Variants in PPFIA2 observed in about 807,000 individuals in gnomAD.
PPFIA2 encodes the protein PPFI scaffold protein A2, also known as liprin-alpha-2.
In PPFIA2, 46 loss-of-function variants were observed where a neutral mutation model predicts 175.5. The observed-to-expected ratio is 0.26, with a 90% confidence interval of 0.21 to 0.34. The LOEUF (loss-of-function observed/expected upper bound fraction) is 0.34, where lower values mean the gene tolerates loss of function less well. Among genes scored for constraint, PPFIA2 ranks in the 10% least tolerant of loss-of-function variants. The pLI, the probability that PPFIA2 is intolerant of heterozygous loss-of-function variation, is 1.00. For missense variants in PPFIA2, 1,179 were observed against 1,506.1 expected, an observed-to-expected ratio of 0.78 and a Z score of 3.60; for synonymous variants, 568 against 511.4, an observed-to-expected ratio of 1.11 and a Z score of -1.49.
At chr12:81,353,752 T>C (rs1045820885) in intron 16 of PPFIA2, among the ~76,000 whole-genome samples, 2 of 152,176 alleles carry the variant, frequency 1.3e-5, no homozygotes, top group African/African-American at 4.8e-5. Context: ...CCACAAATAT[T>C]ATCACATAAG....
At chr12:81,530,495 T>C (rs1235563099) in intron 4 of PPFIA2, among the ~76,000 whole-genome samples, 1 of 151,784 alleles carries the variant, frequency 6.6e-6, no homozygotes, top group Admixed American at 6.6e-5. Context: ...AGACCTGGAG[T>C]TTGTGAACTG....
chr12:81,355,220 C>T (rs2060703058), intron 16 of PPFIA2, among the ~76,000 whole-genome samples: 1 of 152,066 alleles, frequency 6.6e-6, no homozygotes, highest in Admixed American at 6.6e-5. Flanking sequence ...CTTGGGTGGC[C>T]AGGTGCATTG....
chr12:81,696,444 C>G (rs1327530020), intron 3 of PPFIA2, among the ~76,000 whole-genome samples: 2 of 152,066 alleles, frequency 1.3e-5, no homozygotes, highest in Admixed American at 1.3e-4. Flanking sequence ...TATTGGGACC[C>G]AGTGAAGGGT....
intron 4 of PPFIA2, among the ~76,000 whole-genome samples, chr12:81,528,342 C>T (rs1055389441): frequency 6.6e-6 from 1 of 152,004 alleles, no homozygotes; most frequent in African/African-American, 2.4e-5. Flanking sequence ...GCACAGAATT[C>T]CATGTTCCAG....
chr12:81,726,604 T>C (rs1248704128), intron 3 of PPFIA2, among the ~76,000 whole-genome samples: 5 of 151,454 alleles, frequency 3.3e-5, no homozygotes, highest in East Asian at 2.0e-4. Flanking sequence ...AAGTTTCTAA[T>C]GTAAAACAGT....
intron 4 of PPFIA2, among the ~76,000 whole-genome samples, chr12:81,563,990 T>C (rs1277227639): frequency 1.3e-5 from 2 of 152,162 alleles, no homozygotes; most frequent in African/African-American, 4.8e-5. Context: ...TGTGTCCAAG[T>C]ATATAAAAAC....
At chr12:81,678,585 T>C (rs571587594) in intron 3 of PPFIA2, among the ~76,000 whole-genome samples, 1 of 151,886 alleles carries the variant, frequency 6.6e-6, no homozygotes, top group African/African-American at 2.4e-5. Context: ...TGGAAATGTA[T>C]ATATATTTTT....
At chr12:81,538,744 G>A (rs957642474) in intron 4 of PPFIA2, among the ~76,000 whole-genome samples, 4 of 151,858 alleles carry the variant, frequency 2.6e-5, no homozygotes, top group Non-Finnish European at 5.9e-5. Context: ...AACATGGAGT[G>A]AACTAGGGAA....
intron 3 of PPFIA2, among the ~76,000 whole-genome samples, chr12:81,707,990 G>A (rs942225685): frequency 7.0e-6 from 1 of 142,652 alleles, no homozygotes; most frequent in African/African-American, 2.6e-5. Flanking sequence ...CATGGACGCA[G>A]GAAGGGGAAC....
At chr12:81,656,104 T>C (rs1164476873) in intron 4 of PPFIA2, among the ~76,000 whole-genome samples, 1 of 152,070 alleles carries the variant, frequency 6.6e-6, no homozygotes, top group Non-Finnish European at 1.5e-5. Flanking sequence ...ATACCTTTTC[T>C]ATCACTTTAG....
At chr12:81,522,820 G>A (rs999245475) in intron 4 of PPFIA2, among the ~76,000 whole-genome samples, 3 of 152,126 alleles carry the variant, frequency 2.0e-5, no homozygotes, top group African/African-American at 7.2e-5. Context: ...ACTGTCCTAT[G>A]ATCCTCACTC....
At chr12:81,682,131 A>C (rs1161878063) in intron 3 of PPFIA2, among the ~76,000 whole-genome samples, 1 of 152,036 alleles carries the variant, frequency 6.6e-6, no homozygotes, top group Non-Finnish European at 1.5e-5. Context: ...TCAGTACCTA[A>C]GAATGTAACT....
At chr12:81,347,909 A>T in intron 17 of PPFIA2, 139 bp from the exon 18 acceptor site, 1 of 1,318,776 alleles carries the variant, frequency 7.6e-7, no homozygotes, top group Non-Finnish European at 9.9e-7. Context: ...TAATTTTTTC[A>T]TCTTTTTTTT....
intron 4 of PPFIA2, among the ~76,000 whole-genome samples, chr12:81,630,899 A>AT (rs56990168): frequency 1.6e-3 from 172 of 106,472 alleles, no homozygotes; most frequent in Middle Eastern, 0.011. Flanking sequence ...ATATATATAT[A>AT]TTTTTTTTTT....
intron 16 of PPFIA2, among the ~76,000 whole-genome samples, chr12:81,356,934 T>G (rs1278332980): frequency 1.3e-5 from 2 of 152,146 alleles, no homozygotes; most frequent in African/African-American, 4.8e-5. Flanking sequence ...ATACAAGAAA[T>G]CTTCCATTTG....
intron 8 of PPFIA2, among the ~76,000 whole-genome samples, chr12:81,392,412 G>A (rs1357678769): frequency 6.6e-6 from 1 of 151,820 alleles, no homozygotes; most frequent in East Asian, 1.9e-4. Context: ...TATTGTATAA[G>A]CCCACAGTAA....
intron 4 of PPFIA2, among the ~76,000 whole-genome samples, chr12:81,646,582 T>C (rs2066110642): frequency 6.6e-6 from 1 of 152,178 alleles, no homozygotes; most frequent in Non-Finnish European, 1.5e-5. Context: ...AAGTTAAAAA[T>C]GGAAGAGGAA....
chr12:81,725,320 T>C (rs967965605), intron 3 of PPFIA2, among the ~76,000 whole-genome samples: 1 of 150,950 alleles, frequency 6.6e-6, no homozygotes, highest in Non-Finnish European at 1.5e-5. Context: ...CAAGAAACAA[T>C]TTAAAAATTG....
At chr12:81,307,038 C>A (rs2138801065) in intron 22 of PPFIA2, among the ~76,000 whole-genome samples, 1 of 152,262 alleles carries the variant, frequency 6.6e-6, no homozygotes, top group African/African-American at 2.4e-5. Context: ...TCCACCTTTG[C>A]AAATACCACT....
Sources: allele counts gnomAD v4.1 joint callset (sites outside exome capture counted in the v4.1 genomes callset), GRCh38; gene constraint gnomAD v4.1.1; transcripts MANE v1.5; gene names NCBI Gene and HGNC (gene_info 2026-07-23, HGNC 2026-07-21).